Variants in FOXM1 observed in about 807,000 individuals in gnomAD.
FOXM1 encodes forkhead box protein M1.
Under a neutral mutation model 63.6 loss-of-function variants are expected in FOXM1, and 25 were observed. That is an observed-to-expected ratio of 0.39 (90% CI 0.29 to 0.55). FOXM1 has a LOEUF of 0.55. Ranked by LOEUF, FOXM1 falls within the 20% of genes least tolerant of loss-of-function variation. The probability of loss-of-function intolerance (pLI) is 0.60; values close to 1 mark genes in which losing one functional copy is unlikely to be tolerated. For synonymous variants in FOXM1, 387 were observed against 376.9 expected (o/e 1.03, Z -0.31); for missense variants, 879 against 958.7 (o/e 0.92, Z 1.10).
chr12:2,859,482 G>A lies in FOXM1; in HGVS notation c.1448C>T (p.Pro483Leu), dbSNP rs141889160. 3.7e-6 allele frequency: 6 copies of A among 1,613,862 alleles called. No homozygotes were observed. The African/African-American group carries it at 4.0e-5, about 11-fold the overall frequency. The change falls in exon 9 of 9, where the codon CCC becomes CTC. Residue 483 changes from proline to leucine, a missense_variant. Physicochemically the swap from Pro to Leu is moderately conservative, Grantham distance 98. Transcript: ENST00000359843. ...LARPIKVESP[P>L]LEEWPSPAPS... The stretch of plus-strand genomic sequence containing the variant: ...GGCCGGGGAGGGCCACTCTTCCAAG[G>A]GAGGGCTCTCCACTTTGATGGGTCT...
rs984452562 is a variant in FOXM1 at position 2,857,735 on chromosome 12, C to G, written c.*903G>C. The G allele has an allele frequency of 6.6e-6, 1 of 152,566 alleles. No individual in the cohort carries two copies. The highest frequency in any genetic ancestry group is 1.5e-5 in the Non-Finnish European group (1 of 68,318). The allele number at this position is 152,566 out of a possible 1,614,324, so 9.5% of individuals were successfully genotyped here. A position where few individuals can be genotyped will look rare whatever the true frequency, so the allele number is the denominator to read the frequency against. On this transcript the variant is annotated 3_prime_UTR_variant, in exon 9 of 9. Transcript: ENST00000359843. ...TAGTGTTCTCAAGCTGGCTCACACC[C>G]ATGCGGTCAGCTGGGGCCTAGGGTG...
At position 2,858,959 on chromosome 12, in the gene FOXM1, C is replaced by T. The variant is rs1481376270; in HGVS notation, c.1971G>A (p.Met657Ile). Residue 657 changes from methionine (M) to isoleucine (I), a missense_variant, in exon 9 of 9, where the codon ATG (methionine) becomes ATA (isoleucine). Met to Ile is a conservative substitution (Grantham distance 10). This residue lies in a region of FOXM1 where 486 missense variants were observed against 453.5 expected (regional missense o/e 1.07). Coordinates refer to ENST00000359843, the MANE Select transcript of FOXM1 (RefSeq NM_021953.4). ...TTTGCAAGGGAGTGGTGCTGAGATC[C>T]ATCAGCCCCAGGGGGTCAGGCAAGG... ...SDPLPDPLGL[M>I]DLSTTPLQSA... 6.2e-7 allele frequency: 1 copy of T among 1,613,532 alleles called. No homozygotes were observed. The highest frequency in any genetic ancestry group is 1.1e-5 in the South Asian group (1 of 91,070).
rs2098102044 is a variant in FOXM1, at chr12:2,859,184, A to T, written c.1746T>A (p.Ser582=). The T allele has an allele frequency of 6.8e-6, 11 of 1,610,414 alleles. No homozygotes were observed. In the East Asian group the frequency reaches 2.5e-4, roughly 36 times the overall value. The stretch of plus-strand genomic sequence containing the variant: ...AGTAGCTGAGCTGGGAGGCAGGGTC[A>T]GAGGAGTCTGCTGGGAACGGGAGCT... The part of the protein sequence containing the change: ...AAELPFPADS[S]DPASQLSYSQ... The change falls in exon 9 of 9, where the codon TCT becomes TCA. Residue 582 remains serine, a synonymous_variant. Coordinates refer to ENST00000359843, the MANE Select transcript of FOXM1 (RefSeq NM_021953.4).
chr12:2,871,981 A>T (rs1353591607), intron 3 of FOXM1, 115 bp downstream of exon 3: 5 of 1,033,544 alleles, frequency 4.8e-6, no homozygotes, highest in Non-Finnish European at 7.5e-6. Flanking sequence ...CATGAAGTGG[A>T]GAGCTAATAC....
chr12:2,860,826 C>G (rs1053168805), intron 8 of FOXM1, among the ~76,000 whole-genome samples: 20 of 148,366 alleles, frequency 1.3e-4, no homozygotes, highest in African/African-American at 5.1e-4. Flanking sequence ...GATCACACCA[C>G]TGTACTTCAG....
rs1405846251 is a variant in FOXM1 at position 2,858,660 on chromosome 12, T to G, written c.2270A>C (p.Gln757Pro). The G allele has an allele frequency of 6.2e-7, 1 of 1,613,918 alleles. No homozygotes were observed. Among genetic ancestry groups the G allele is most frequent in the Non-Finnish European group, 8.5e-7 (1 of 1,179,978 alleles). The change falls in exon 9 of 9, where the codon CAG (glutamine) becomes CCG (proline). Residue 757 changes from glutamine to proline, a missense_variant. Gln to Pro is a moderately conservative substitution (Grantham distance 76). Around this residue, in one of 4 missense-constraint regions of FOXM1, gnomAD observed 486 missense variants for 453.5 expected, o/e 1.07. Coordinates refer to ENST00000359843, the MANE Select transcript of FOXM1 (RefSeq NM_021953.4). ...PLGPDNINWSQFIPELQ is the reference protein window; with the variant it reads ...PLGPDNINWSPFIPELQ The stretch of plus-strand genomic sequence containing the variant: ...GCTCTACTGTAGCTCAGGAATAAAC[T>G]GGGACCAGTTGATGTTGTCAGGGCC...
Position 2,874,358 on chromosome 12 carries a change from A to C in FOXM1, c.121T>G (p.Ser41Ala), listed in dbSNP as rs774339520. ...TCCTTGGAGGCCTCTGCTTGATTAG[A>C]CTCCTGTTGGGCAGGGGATCTCTTA... is the stretch of plus-strand genomic sequence containing the variant. ...EPKRSPAQQE[S>A]NQAEASKEVA... Residue 41 changes from serine (S) to alanine (A), a missense_variant, in exon 2 of 9, where the codon TCT (serine) becomes GCT (alanine). Transcript: ENST00000359843. This position sits in a 1 kb window ranked among gnomAD's most constrained non-coding sequence, Gnocchi z 4.3. The C allele has an allele frequency of 1.2e-5, 19 of 1,613,606 alleles. No homozygotes were observed. Among genetic ancestry groups the C allele is most frequent in the Non-Finnish European group, 1.6e-5 (19 of 1,179,942 alleles).
At chr12:2,859,888 A>C (rs987284673) in intron 8 of FOXM1, 2 of 536,140 alleles carry the variant, frequency 3.7e-6, no homozygotes, top group Non-Finnish European at 6.6e-6. Context: ...GAGAGGAAAT[A>C]AAATTGCATG....
At chr12:2,871,488 A>G (rs1812054641) in intron 3 of FOXM1, among the ~76,000 whole-genome samples, 2 of 152,110 alleles carry the variant, frequency 1.3e-5, no homozygotes, top group South Asian at 4.1e-4. Flanking sequence ...TCTACAAAAA[A>G]TACAAAAATT....
At chr12:2,861,224 C>A in intron 8 of FOXM1, 1 of 651,300 alleles carries the variant, frequency 1.5e-6, no homozygotes, top group South Asian at 1.8e-5. Flanking sequence ...TAAAAATGGG[C>A]AATGTTCATA....
Position 2,872,279 on chromosome 12 carries a change from G to A in FOXM1, c.503-32C>T. 6.2e-7 allele frequency: 1 copy of A among 1,611,904 alleles called. No homozygotes were observed. The highest frequency in any genetic ancestry group is 8.5e-7 in the Non-Finnish European group (1 of 1,178,636). On this transcript the variant is annotated intron_variant, in intron 2 of 8. Coordinates refer to ENST00000359843, the MANE Select transcript of FOXM1 (RefSeq NM_021953.4). The surrounding 1 kb of genome is among the most constrained non-coding windows in gnomAD (Gnocchi z 4.0). Reference sequence around the variant, plus strand: ...GGAAAATAATCCAACACCCCACTTAGCTGCCTCATCAGATGCCCAGGTGTG... The same window carrying A: ...GGAAAATAATCCAACACCCCACTTAACTGCCTCATCAGATGCCCAGGTGTG...
At chr12:2,870,819 C>T (rs1458158759) in intron 3 of FOXM1, among the ~76,000 whole-genome samples, 1 of 151,712 alleles carries the variant, frequency 6.6e-6, no homozygotes, top group Non-Finnish European at 1.5e-5. Context: ...ATTAGCCGGG[C>T]GTGGCAGCGG....
At chr12:2,865,195 C>T (rs921579170) in intron 6 of FOXM1, among the ~76,000 whole-genome samples, 160 bp downstream of exon 6, 14 of 152,226 alleles carry the variant, frequency 9.2e-5, no homozygotes, top group African/African-American at 3.4e-4. Context: ...TGGGTGTGTG[C>T]CTGACCCTCA....
At chr12:2,863,430 C>T (rs1461116281) in intron 8 of FOXM1, among the ~76,000 whole-genome samples, 1 of 152,146 alleles carries the variant, frequency 6.6e-6, no homozygotes, top group African/African-American at 2.4e-5. Context: ...TCACTGTTGC[C>T]CAGGCTGGAG....
Position 2,863,903 on chromosome 12 carries a change from C to T in FOXM1, c.1266+417G>A, listed in dbSNP as rs549926220. ...GTATTTTTTAGTAGAGACGGGGTTT[C>T]GCCACGTTGGCCAGGCTGGTCTCAA... On this transcript the variant is annotated intron_variant, in intron 8 of 8. Transcript: ENST00000359843. The T allele has an allele frequency of 1.7e-3, 267 of 155,616 alleles. 1 individual carries two copies. Among genetic ancestry groups the T allele is most frequent in the Non-Finnish European group, 2.1e-3 (148 of 70,436 alleles). The allele number at this position is 155,616 out of a possible 1,614,324, so 9.6% of individuals were successfully genotyped here.
In FOXM1 at chr12:2,864,875, G is replaced by A; in HGVS notation, c.1021-123C>T. ...TTGAGTTAATGACAGCCCAGAGAGA[G>A]GAGGCCAACCTGAGGGGATGGACGT... On this transcript the variant is annotated intron_variant, in intron 6 of 8. Transcript: ENST00000359843. This position sits in a 1 kb window ranked among gnomAD's most constrained non-coding sequence, Gnocchi z 5.1. The A allele has an allele frequency of 1.9e-6, 2 of 1,073,834 alleles. No homozygotes were observed. Among genetic ancestry groups the A allele is most frequent in the South Asian group, 2.5e-5 (2 of 78,500 alleles). 66.5% of individuals were successfully genotyped at this position (1,073,834 alleles called of 1,614,324 possible).
rs28919869 is a variant in FOXM1, at chr12:2,858,924, G to A, written c.2006C>T (p.Pro669Leu). 3.8e-5 allele frequency: 62 copies of A among 1,613,814 alleles called. No homozygotes were observed. The highest frequency in any genetic ancestry group is 3.3e-4 in the East Asian group (15 of 44,864). Residue 669 changes from proline (P) to leucine (L), a missense_variant, in exon 9 of 9, where the codon CCC becomes CTC. Transcript: ENST00000359843. ...LSTTPLQSAP[P>L]LESPQRLLSS... ...GAGGAGCCTTTGCGGTGATTCAAGG[G>A]GGGGAGCACTTTGCAAGGGAGTGGT...
rs1291809085 is a variant in FOXM1 at position 2,876,978 on chromosome 12, C to G, written c.-106G>C. The G allele has an allele frequency of 6.6e-6, 1 of 152,184 alleles. No homozygotes were observed. Among genetic ancestry groups the G allele is most frequent in the Non-Finnish European group, 1.5e-5 (1 of 68,084 alleles). The allele number at this position is 152,184 out of a possible 1,614,324, so 9.4% of individuals were successfully genotyped here. On this transcript the variant is annotated 5_prime_UTR_variant, in exon 1 of 9. Transcript: ENST00000359843. ...TAGCTCCGAAGGCGGGCTCCGGGCT[C>G]CTCCAACCTGGGGGCCGAGCCAGGG... is the stretch of plus-strand genomic sequence containing the variant.
At position 2,864,434 on chromosome 12, in the gene FOXM1, C is replaced by T. The variant is rs765807629; in HGVS notation, c.1152G>A (p.Pro384=). ...GCTGCAACACCAGTGACTGGTTCAC[C>T]GGGAACTGGATAGGTACCAGGTATG... is the stretch of plus-strand genomic sequence containing the variant. ...VSSYLVPIQF[P]VNQSLVLQPS... Residue 384 remains proline (P), a synonymous_variant, in exon 8 of 9, where the codon CCG becomes CCA. Transcript: ENST00000359843. This position sits in a 1 kb window ranked among gnomAD's most constrained non-coding sequence, Gnocchi z 5.1. The T allele has an allele frequency of 2.7e-5, 44 of 1,614,038 alleles. No individual in the cohort carries two copies. Among genetic ancestry groups the T allele is most frequent in the Non-Finnish European group, 3.6e-5 (42 of 1,180,008 alleles).
Sources: allele counts gnomAD v4.1 joint callset (sites outside exome capture counted in the v4.1 genomes callset), GRCh38; gene constraint gnomAD v4.1.1; regional missense constraint gnomAD v4.1.1; non-coding constraint Gnocchi (gnomAD v3.1); transcripts MANE v1.5; gene names NCBI Gene and HGNC (gene_info 2026-07-23, HGNC 2026-07-21).